Variants in ANKRD26 observed in about 807,000 individuals in gnomAD.
The protein encoded by ANKRD26 is ankyrin repeat domain 26.
A neutral mutation model predicts 208.7 loss-of-function variants in ANKRD26; 141 were observed. The observed-to-expected ratio is 0.68, with a 90% CI of 0.59 to 0.78. The LOEUF (loss-of-function observed/expected upper bound fraction) is 0.78, where lower values mean the gene tolerates loss of function less well. Among genes scored for constraint, ANKRD26 ranks in the 30% least tolerant of loss-of-function variants. The probability of loss-of-function intolerance (pLI) is 0.00; values close to 1 mark genes in which losing one functional copy is unlikely to be tolerated. For missense variants in ANKRD26, 1,889 were observed against 1,938.7 expected (o/e 0.97, Z 0.48); for synonymous variants, 636 against 660.4 (o/e 0.96, Z 0.57).
chr10:27,039,902 C>A, intron 21 of ANKRD26, 63 bp downstream of exon 21: 1 of 1,491,966 alleles, frequency 6.7e-7, no homozygotes, highest in South Asian at 1.1e-5. Context: ...TCAGCAATTA[C>A]AAGAATTCTA....
chr10:27,013,103 C>G lies in ANKRD26; in HGVS notation c.4732G>C (p.Glu1578Gln), dbSNP rs769313376. The change falls in exon 32 of 34, where the codon GAG becomes CAG. Residue 1578 changes from glutamate to glutamine, a missense_variant. Transcript: ENST00000376087. ...SLSSKLTKTN[E>Q]RLAEVNTKLL... is the part of the protein sequence containing the mutation. ...TTGGTGTTGACCTCTGCTAGCCTCT[C>G]ATTAGTTCTGTGAAGATTGCAGAAG... 3.7e-6 allele frequency: 6 copies of G among 1,613,642 alleles called. No homozygotes were observed. In the East Asian group the frequency reaches 1.3e-4, roughly 36 times the overall value.
At chr10:27,022,525 A>G (rs1589228972) in intron 29 of ANKRD26, 33 bp downstream of exon 29, 1 of 1,445,818 alleles carries the variant, frequency 6.9e-7, no homozygotes, top group East Asian at 2.4e-5. Flanking sequence ...AAATTAAGTG[A>G]CTTTTTTGGT....
intron 9 of ANKRD26, among the ~76,000 whole-genome samples, chr10:27,069,924 C>G (rs949184701): frequency 6.6e-6 from 1 of 151,796 alleles, no homozygotes; most frequent in Non-Finnish European, 1.5e-5. Context: ...TCAAAACCAG[C>G]CTGGATAATA....
chr10:26,969,949 C>T (rs2134581327), downstream of ANKRD26, among the ~76,000 whole-genome samples: 1 of 151,942 alleles, frequency 6.6e-6, no homozygotes, highest in East Asian at 1.9e-4. Context: ...ATCTTCCTGC[C>T]TCAGCCTCCT....
intron 20 of ANKRD26, 41 bp from the exon 21 acceptor site, chr10:27,040,219 T>G (rs1284514112): frequency 7.0e-7 from 1 of 1,430,070 alleles, no homozygotes. Context: ...TATGAGCATT[T>G]TTCCATATAA....
chr10:27,051,761 G>A (rs938991398), intron 16 of ANKRD26: 16 of 985,084 alleles, frequency 1.6e-5, no homozygotes, highest in South Asian at 4.7e-5. Flanking sequence ...CTTTTTCATC[G>A]CAATCAAGTA....
chr10:27,050,219 CAAA>C (rs67384671), intron 16 of ANKRD26, among the ~76,000 whole-genome samples: 47 of 33,030 alleles, frequency 1.4e-3, no homozygotes, highest in Middle Eastern at 0.036. Context: ...GAATCTGTCT[CAAA>C]AAAAAAAAAA....
chr10:26,965,403 T>C, the ANKRD26 span, among the ~76,000 whole-genome samples: 1 of 152,192 alleles, frequency 6.6e-6, no homozygotes, highest in South Asian at 2.1e-4. Context: ...ATTTAATAAA[T>C]GGTGCTGGGA....
At position 27,036,961 on chromosome 10, in the gene ANKRD26, C is replaced by T. The variant is rs141770222; in HGVS notation, c.2697+225G>A. Among the ~76,000 whole-genome samples the T allele has an allele frequency of 5.2e-3, 789 of 152,184 alleles. 8 individuals carry two copies. The highest frequency in any genetic ancestry group is 0.018 in the African/African-American group (749 of 41,534). ...TTAAAAGCTTCTCCTTTGGATGAGG[C>T]CATTCTGAATGTCATTACTTGACTG... On this transcript the variant is annotated intron_variant, in intron 23 of 33. Coordinates refer to ENST00000376087, the MANE Select transcript of ANKRD26 (RefSeq NM_014915.3).
At chr10:27,069,335 T>C (rs1008615576) in intron 9 of ANKRD26, among the ~76,000 whole-genome samples, 1 of 152,136 alleles carries the variant, frequency 6.6e-6, no homozygotes, top group African/African-American at 2.4e-5. Context: ...GTTTCAGTGC[T>C]ACTTCCTAGG....
At chr10:27,024,187 G>A (rs2053586222) in intron 28 of ANKRD26, among the ~76,000 whole-genome samples, 2 of 152,140 alleles carry the variant, frequency 1.3e-5, no homozygotes, top group African/African-American at 4.8e-5. Flanking sequence ...AAAGTTCAAA[G>A]TAAAAGATGA....
chr10:27,062,837 G>A lies in ANKRD26; in HGVS notation c.1363+1151C>T, dbSNP rs1332746605. Among the ~76,000 whole-genome samples the A allele has an allele frequency of 2.0e-5, 3 of 149,390 alleles. No individual in the cohort carries two copies. The South Asian group carries it at 6.3e-4, about 32-fold the overall frequency. On this transcript the variant is annotated intron_variant, in intron 12 of 33. Transcript: ENST00000376087. The stretch of plus-strand genomic sequence containing the variant: ...GGCTGGAGTGCAGTGGCACAATCTC[G>A]GCTCACTGCAACTTCCGTCTCCTGG...
At chr10:27,042,280 A>G (rs2054267158) in intron 20 of ANKRD26, among the ~76,000 whole-genome samples, 1 of 152,240 alleles carries the variant, frequency 6.6e-6, no homozygotes, top group South Asian at 2.1e-4. Flanking sequence ...ACTTCAATCC[A>G]TACAAAAATA....
intron 27 of ANKRD26, among the ~76,000 whole-genome samples, chr10:27,028,210 A>G (rs182328276): frequency 6.6e-6 from 1 of 152,224 alleles, no homozygotes; most frequent in Non-Finnish European, 1.5e-5. Flanking sequence ...ACAGGATGTC[A>G]CAAGTGGAAA....
At chr10:27,092,535 T>C in intron 3 of ANKRD26, 23 bp from the exon 4 acceptor site, 4 of 1,506,714 alleles carry the variant, frequency 2.7e-6, no homozygotes, top group Non-Finnish European at 3.7e-6. Context: ...AAAAACAAGT[T>C]AAAATGCATA....
At chr10:27,051,108 T>G (rs1397621633) in intron 16 of ANKRD26, 1 of 1,287,990 alleles carries the variant, frequency 7.8e-7, no homozygotes, top group Non-Finnish European at 1.0e-6. Flanking sequence ...GAACTCTACT[T>G]TTAACATGCC....
Position 27,100,281 on chromosome 10 carries a change from A to G in ANKRD26, c.46T>C (p.Phe16Leu). ...SKKGESPLGS[F>L]ARRQRSSAGG... ...GCGCTGCTCCTCTGCCGCCGCGCGA[A>G]GGAGCCCAAGGGCGACTCGCCCTTC... The change falls in exon 1 of 34, where the codon TTC becomes CTC. Residue 16 changes from phenylalanine to leucine, a missense_variant. Phe to Leu is a conservative substitution (Grantham distance 22). Around this residue, in one of 3 missense-constraint regions of ANKRD26, gnomAD observed 1,272 missense variants for 1,273.8 expected, o/e 1.00. Transcript: ENST00000376087. 1 of 1,609,986 alleles carries G rather than the reference A, an allele frequency of 6.2e-7. No individual in the cohort carries two copies. The highest frequency in any genetic ancestry group is 8.5e-7 in the Non-Finnish European group (1 of 1,179,266).
At chr10:26,972,797 A>G (rs2052169956), downstream of ANKRD26, among the ~76,000 whole-genome samples, 1 of 151,944 alleles carries the variant, frequency 6.6e-6, no homozygotes, top group Non-Finnish European at 1.5e-5. Context: ...TCACCGTGTT[A>G]GCCAGGATGG....
Position 27,012,877 on chromosome 10 carries a change from C to T in ANKRD26, c.4953+5G>A. The T allele has an allele frequency of 3.7e-6, 6 of 1,610,668 alleles. No individual in the cohort carries two copies. The highest frequency in any genetic ancestry group is 4.2e-6 in the Non-Finnish European group (5 of 1,176,938). ...ACCCAAAGGAAAAAAGACAACATAA[C>T]TAACCTTGCTCAAGTAGTTCTCCAT... On this transcript the variant is annotated splice_donor_5th_base_variant and intron_variant, in intron 32 of 33. Coordinates refer to ENST00000376087, the MANE Select transcript of ANKRD26 (RefSeq NM_014915.3).
Sources: gnomAD v4.1 joint callset for allele counts (sites outside exome capture counted in the v4.1 genomes callset) on GRCh38, gnomAD v4.1.1 for gene constraint, gnomAD v4.1.1 regional missense constraint, MANE v1.5 for transcripts, NCBI Gene and HGNC (gene_info 2026-07-23, HGNC 2026-07-21) for gene names.